Variants in USP44 observed in about 807,000 individuals in gnomAD.
The protein encoded by USP44 is ubiquitin carboxyl-terminal hydrolase 44.
A neutral mutation model predicts 69.0 loss-of-function variants in USP44; 61 were observed. That is an observed-to-expected ratio of 0.88 (90% CI 0.72 to 1.09). The LOEUF (loss-of-function observed/expected upper bound fraction) is 1.09. Ranked by LOEUF, USP44 falls within the 50% of genes least tolerant of loss-of-function variation. USP44 has a pLI of 0.00. For missense variants in USP44, 753 were observed against 849.9 expected (o/e 0.89, Z 1.42); for synonymous variants, 297 against 295.4 (o/e 1.01, Z -0.06).
chr12:95,526,432 C>T (rs1274150952), intron 3 of USP44, among the ~76,000 whole-genome samples: 4 of 151,988 alleles, frequency 2.6e-5, no homozygotes, highest in Admixed American at 6.6e-5. Flanking sequence ...ATTAGCCAGG[C>T]GTGGTGGCGG....
intron 3 of USP44, 113 bp from the exon 4 acceptor site, chr12:95,524,901 G>C (rs939364373): frequency 1.8e-5 from 17 of 969,436 alleles, no homozygotes; most frequent in South Asian, 5.4e-5. Flanking sequence ...CTGTGTTCCA[G>C]GCATTGTACT....
chr12:95,521,668 G>A (rs980287688), intron 4 of USP44, among the ~76,000 whole-genome samples: 2 of 152,130 alleles, frequency 1.3e-5, no homozygotes, highest in African/African-American at 4.8e-5. Flanking sequence ...ATTTTTAGTA[G>A]TAGAGACAGG....
At chr12:95,543,892 A>G (rs1284484474) in intron 1 of USP44, among the ~76,000 whole-genome samples, 4 of 136,864 alleles carry the variant, frequency 2.9e-5, no homozygotes, top group East Asian at 5.0e-4. Context: ...GCGTGAAACC[A>G]GGAGGTGGAG....
At chr12:95,537,350 A>C (rs1488687563) in intron 1 of USP44, among the ~76,000 whole-genome samples, 1 of 152,020 alleles carries the variant, frequency 6.6e-6, no homozygotes, top group Non-Finnish European at 1.5e-5. Context: ...ACAGAGTCTC[A>C]CTCTGTCGCC....
rs2076507036 is a variant in USP44 at position 95,517,371 on chromosome 12, C to G, written c.*783G>C. 2 of 152,006 alleles carry G rather than the reference C, an allele frequency of 1.3e-5. No homozygotes were observed. Among genetic ancestry groups the G allele is most frequent in the South Asian group, 2.1e-4 (1 of 4,822 alleles). The allele number at this position is 152,006 out of a possible 1,614,324, so 9.4% of individuals were successfully genotyped here. A position where few individuals can be genotyped will look rare whatever the true frequency, so the allele number is the denominator to read the frequency against. On this transcript the variant is annotated 3_prime_UTR_variant, in exon 6 of 6. Coordinates refer to ENST00000258499, the MANE Select transcript of USP44 (RefSeq NM_032147.5). Reference sequence around the variant, plus strand: ...AAAATGAACTCATACCCAAGGTAAACTATTTGAATAACATCATACACTGGT... The same window carrying G: ...AAAATGAACTCATACCCAAGGTAAAGTATTTGAATAACATCATACACTGGT...
At position 95,533,781 on chromosome 12, in the gene USP44, C is replaced by T; in HGVS notation, c.476G>A (p.Gly159Asp). The T allele has an allele frequency of 6.2e-7, 1 of 1,614,106 alleles. No homozygotes were observed. The highest frequency in any genetic ancestry group is 8.5e-7 in the Non-Finnish European group (1 of 1,180,038). The part of the protein sequence containing the change: ...ALWHRRRILM[G>D]KIFRTWFEQS... The stretch of plus-strand genomic sequence containing the variant: ...TTCAAACCATGTTCGAAAGATTTTA[C>T]CCATTAGTATCCTTCTCCTGTGCCA... The change falls in exon 2 of 6, where the codon GGT becomes GAT. Residue 159 changes from glycine to aspartate, a missense_variant. Transcript: ENST00000258499.
rs2077121957 is a variant in USP44 at position 95,534,146 on chromosome 12, G to T, written c.111C>A (p.Ser37=). 6.2e-7 allele frequency: 1 copy of T among 1,614,032 alleles called. No individual in the cohort carries two copies. The highest frequency in any genetic ancestry group is 8.5e-7 in the Non-Finnish European group (1 of 1,180,028). ...GGGAGCAGCTAAGGCAAGCCCAAAT[G>T]GACTCGGTCGTGTTGCAGTCCACAC... ...WHCVDCNTTE[S]IWACLSCSHV... Residue 37 remains serine, a synonymous_variant, in exon 2 of 6, where the codon TCC becomes TCA. Coordinates refer to ENST00000258499, the MANE Select transcript of USP44 (RefSeq NM_032147.5).
intron 1 of USP44, among the ~76,000 whole-genome samples, chr12:95,540,912 CAT>C (rs1565835580): frequency 1.3e-5 from 2 of 152,100 alleles, no homozygotes; most frequent in Non-Finnish European, 2.9e-5. Flanking sequence ...GAAAGCAAAA[CAT>C]ATTCATTACA....
chr12:95,546,855 C>T (rs918234968), intron 1 of USP44: 9 of 152,232 alleles, frequency 5.9e-5, no homozygotes, highest in Non-Finnish European at 1.2e-4. Flanking sequence ...AAAACACAGA[C>T]TCTGCCCTCA....
In USP44 at chr12:95,548,962, C is replaced by T. The variant is rs1023642990; in HGVS notation, c.-71+2310G>A. The T allele has an allele frequency of 2.0e-5, 3 of 151,944 alleles. No homozygotes were observed. Among genetic ancestry groups the T allele is most frequent in the African/African-American group, 7.3e-5 (3 of 41,352 alleles). 9.4% of individuals were successfully genotyped at this position (151,944 alleles called of 1,614,324 possible). On this transcript the variant is annotated intron_variant, in intron 1 of 5. Transcript: ENST00000258499. The surrounding 1 kb of genome is among the most constrained non-coding windows in gnomAD (Gnocchi z 4.1). ...CTGCCGGTGGCCGCCTTCCGCGCCT[C>T]GTGGGGGGGTCGGGGCCACGGACGG...
Position 95,518,000 on chromosome 12 carries a change from CATTTATACTT to C in USP44, c.*144_*153del. 1.3e-6 allele frequency: 1 copy of C among 743,352 alleles called. No homozygotes were observed. The highest frequency in any genetic ancestry group is 2.1e-6 in the Non-Finnish European group (1 of 482,752). The allele number at this position is 743,352 out of a possible 1,614,324, so 46.0% of individuals were successfully genotyped here. On this transcript the variant is annotated 3_prime_UTR_variant, in exon 6 of 6. Transcript: ENST00000258499. ...AGTAGTTACCTTCAGTTGATATATACATTTATACTTTGTAAAAAAAAAAATTGTTAGATAT... is the reference window on the plus strand; with the variant it reads ...AGTAGTTACCTTCAGTTGATATATACTGTAAAAAAAAAAATTGTTAGATAT...
rs750999074 is a variant in USP44, at chr12:95,518,321, T to A, written c.1972A>T (p.Ser658Cys). 6.2e-7 allele frequency: 1 copy of A among 1,614,078 alleles called. No individual in the cohort carries two copies. Among genetic ancestry groups the A allele is most frequent in the South Asian group, 1.1e-5 (1 of 91,084 alleles). The change falls in exon 6 of 6, where the codon AGC becomes TGC. Residue 658 changes from serine to cysteine, a missense_variant. Transcript: ENST00000258499. ...CATACTTCATCCATAGTGCACATGC[T>A]TAGTTTGGAATCATTGCAGTGTACC... ...FWVHCNDSKL[S>C]MCTMDEVCKA...
intron 3 of USP44, among the ~76,000 whole-genome samples, chr12:95,527,715 C>A (rs572409562): frequency 2.6e-5 from 4 of 152,202 alleles, no homozygotes; most frequent in South Asian, 2.1e-4. Context: ...GAACTCCTGA[C>A]CTCAAGCGAT....
chr12:95,542,069 T>C (rs1007460501), intron 1 of USP44, among the ~76,000 whole-genome samples: 1 of 151,986 alleles, frequency 6.6e-6, no homozygotes, highest in Non-Finnish European at 1.5e-5. Context: ...TTTGTAGAGA[T>C]GGGGTTTCAT....
chr12:95,529,149 G>T, intron 2 of USP44, 147 bp from the exon 3 acceptor site: 2 of 732,010 alleles, frequency 2.7e-6, no homozygotes, highest in Non-Finnish European at 4.0e-6. Flanking sequence ...ATTCTTGTCA[G>T]GAAATCTTTC....
At position 95,533,981 on chromosome 12, in the gene USP44, A is replaced by G; in HGVS notation, c.276T>C (p.Thr92=). The G allele has an allele frequency of 6.2e-7, 1 of 1,614,196 alleles. No homozygotes were observed. The highest frequency in any genetic ancestry group is 8.5e-7 in the Non-Finnish European group (1 of 1,180,022). ...CDDYVLNDNT[T]GDLKLLRRTL... Reference sequence around the variant, plus strand: ...TACGTCGTAGTAACTTCAGGTCTCCAGTTGTGTTATCATTCAGAACATAAT... The same window carrying G: ...TACGTCGTAGTAACTTCAGGTCTCCGGTTGTGTTATCATTCAGAACATAAT... Residue 92 remains threonine, a synonymous_variant, in exon 2 of 6, where the codon ACT becomes ACC. Transcript: ENST00000258499.
Position 95,516,622 on chromosome 12 carries a change from C to T in USP44, c.*1532G>A, listed in dbSNP as rs926548816. On this transcript the variant is annotated 3_prime_UTR_variant, in exon 6 of 6. Transcript: ENST00000258499. ...AAGTGTGTAACAGTTGAGGTAACAA[C>T]TTGCATAGGTATTATGAACAATTTT... 1 of 152,118 alleles carries T rather than the reference C, an allele frequency of 6.6e-6. No homozygotes were observed. The highest frequency in any genetic ancestry group is 2.4e-5 in the African/African-American group (1 of 41,418). 9.4% of individuals were successfully genotyped at this position (152,118 alleles called of 1,614,324 possible).
At position 95,532,885 on chromosome 12, in the gene USP44, T is replaced by C; in HGVS notation, c.1372A>G (p.Ile458Val). ...ALIPTSQRKL[I>V]KQVLNVVNNI... ...TTTACAACATTCAGAACTTGTTTGA[T>C]GAGTTTCCTTTGAGAAGTGGGGATA... The change falls in exon 2 of 6, where the codon ATC (isoleucine) becomes GTC (valine). Residue 458 changes from isoleucine (I) to valine (V), a missense_variant. Transcript: ENST00000258499. 6.2e-7 allele frequency: 1 copy of C among 1,610,432 alleles called. No individual in the cohort carries two copies. Among genetic ancestry groups the C allele is most frequent in the Non-Finnish European group, 8.5e-7 (1 of 1,178,910 alleles).
At chr12:95,537,786 TA>T (rs1217875899) in intron 1 of USP44, among the ~76,000 whole-genome samples, 3 of 152,182 alleles carry the variant, frequency 2.0e-5, no homozygotes, top group African/African-American at 7.2e-5. Context: ...TACCTCTGGG[TA>T]ATGGGACTGA....
Sources: gnomAD v4.1 joint callset for allele counts (sites outside exome capture counted in the v4.1 genomes callset) on GRCh38, gnomAD v4.1.1 for gene constraint, Gnocchi (gnomAD v3.1) non-coding constraint, MANE v1.5 for transcripts, NCBI Gene and HGNC (gene_info 2026-07-23, HGNC 2026-07-21) for gene names.